DGKG: variants seen among roughly 807,000 people sequenced by gnomAD.
The protein encoded by DGKG is diacylglycerol kinase gamma.
In DGKG, 78 loss-of-function variants were observed where a neutral mutation model predicts 105.3. That is an observed-to-expected ratio of 0.74 (90% confidence interval 0.62 to 0.89). DGKG has a LOEUF of 0.89. Among genes scored for constraint, DGKG ranks in the 40% least tolerant of loss-of-function variants. The probability of loss-of-function intolerance (pLI) is 0.00; values close to 1 mark genes in which losing one functional copy is unlikely to be tolerated. For synonymous variants in DGKG, 346 were observed against 367.1 expected (o/e 0.94, Z 0.66); for missense variants, 958 against 1,020.1 (o/e 0.94, Z 0.83).
chr3:186,301,396 G>A (rs1400588869), intron 3 of DGKG, among the ~76,000 whole-genome samples: 1 of 152,230 alleles, frequency 6.6e-6, no homozygotes, highest in African/African-American at 2.4e-5. Flanking sequence ...GGGAGGCCGA[G>A]GCAGGCAGAT....
chr3:186,240,447 GATGA>G (rs951169769), intron 20 of DGKG, among the ~76,000 whole-genome samples: 115 of 152,304 alleles, frequency 7.6e-4, no homozygotes, highest in African/African-American at 2.6e-3. Flanking sequence ...TGAATGAATG[GATGA>G]ATGAATGAAC....
In DGKG at chr3:186,210,209, G is replaced by A. The variant is rs372668223; in HGVS notation, c.1917+1586C>T. 6.6e-6 allele frequency among the ~76,000 whole-genome samples: 1 copy of A among 152,200 alleles called. No individual in the cohort carries two copies. Among genetic ancestry groups the A allele is most frequent in the Non-Finnish European group, 1.5e-5 (1 of 68,030 alleles). ...CAGGGAGAACAAGCAGTCGCTGTGC[G>A]CCTGCAGCTGGCTGTGGTTAGGCCA... On this transcript the variant is annotated intron_variant, in intron 21 of 24. Coordinates refer to ENST00000265022, the MANE Select transcript of DGKG (RefSeq NM_001346.3). This position sits in a 1 kb window ranked among gnomAD's most constrained non-coding sequence, Gnocchi z 5.2.
At chr3:186,352,620 C>A (rs1195257123) in intron 1 of DGKG, among the ~76,000 whole-genome samples, 2 of 152,236 alleles carry the variant, frequency 1.3e-5, no homozygotes, top group African/African-American at 4.8e-5. Context: ...AAACCACTAT[C>A]TTCCCAGGTG....
intron 1 of DGKG, among the ~76,000 whole-genome samples, chr3:186,332,742 C>T (rs183012846): frequency 6.8e-4 from 103 of 152,186 alleles, no homozygotes; most frequent in South Asian, 3.1e-3. Flanking sequence ...AATGTTTGTC[C>T]TCTCCAAAAT....
At chr3:186,252,971 G>C in intron 18 of DGKG, 122 bp downstream of exon 18, 1 of 789,398 alleles carries the variant, frequency 1.3e-6, no homozygotes. Context: ...CATGACTGCA[G>C]AGTTGAGTAT....
chr3:186,264,600 A>G (rs1285053566), intron 14 of DGKG, among the ~76,000 whole-genome samples: 1 of 152,128 alleles, frequency 6.6e-6, no homozygotes, highest in African/African-American at 2.4e-5. Flanking sequence ...GTATATTCTC[A>G]TTTAATCTTA....
At chr3:186,170,527 C>T (rs1018957375) in intron 22 of DGKG, among the ~76,000 whole-genome samples, 1 of 152,076 alleles carries the variant, frequency 6.6e-6, no homozygotes, top group African/African-American at 2.4e-5. Context: ...AGAAAACTGC[C>T]CAAAATATAT....
At chr3:186,227,272 C>T (rs758088407) in intron 20 of DGKG, among the ~76,000 whole-genome samples, 1 of 152,158 alleles carries the variant, frequency 6.6e-6, no homozygotes, top group Non-Finnish European at 1.5e-5. Flanking sequence ...AGCATCATAC[C>T]AATACCTGAT....
chr3:186,198,969 C>T (rs757878423), intron 21 of DGKG, among the ~76,000 whole-genome samples: 12 of 151,644 alleles, frequency 7.9e-5, no homozygotes, highest in Admixed American at 2.0e-4. Flanking sequence ...TTTTTTAAGA[C>T]GGAGTTTTGC....
At chr3:186,305,464 T>A (rs1724189159) in intron 3 of DGKG, among the ~76,000 whole-genome samples, 1 of 151,980 alleles carries the variant, frequency 6.6e-6, no homozygotes. Context: ...AGAGATGAGG[T>A]CAGAGAGCTG....
Position 186,147,845 on chromosome 3 carries a change from T to G in DGKG, c.*2245A>C, listed in dbSNP as rs557162107. 33 of 985,424 alleles carry G rather than the reference T, an allele frequency of 3.3e-5. No individual in the cohort carries two copies. In the African/African-American group the frequency reaches 5.4e-4, roughly 16 times the overall value. The allele number at this position is 985,424 out of a possible 1,614,324, so 61.0% of individuals were successfully genotyped here. On this transcript the variant is annotated 3_prime_UTR_variant, in exon 25 of 25. Coordinates refer to ENST00000265022, the MANE Select transcript of DGKG (RefSeq NM_001346.3). ...TTTCAGAAACAAGTGGCTTCCAAGA[T>G]AGTACCTGTAGTAATTCTGGAGCTT...
In DGKG at chr3:186,264,991, T is replaced by A. The variant is rs578102123; in HGVS notation, c.1269+256A>T. ...TCTGCATATTAAAGTTTTATGTAAC[T>A]TTTTCCTAAAATAGTAATAAAGCCC... On this transcript the variant is annotated intron_variant, in intron 14 of 24. Transcript: ENST00000265022. Among the ~76,000 whole-genome samples the A allele has an allele frequency of 7.9e-5, 12 of 152,332 alleles. No individual in the cohort carries two copies. The South Asian group carries it at 2.3e-3, about 29-fold the overall frequency.
At chr3:186,358,343 C>T (rs942315431) in intron 1 of DGKG, among the ~76,000 whole-genome samples, 9 of 152,210 alleles carry the variant, frequency 5.9e-5, no homozygotes, top group African/African-American at 1.7e-4. Flanking sequence ...AGGATGTTTC[C>T]GGACCTGAGC....
At chr3:186,263,323 T>C (rs1430905593) in intron 14 of DGKG, among the ~76,000 whole-genome samples, 1 of 151,834 alleles carries the variant, frequency 6.6e-6, no homozygotes, top group Non-Finnish European at 1.5e-5. Flanking sequence ...TCCTAGCACT[T>C]TGGGAGGCTG....
At chr3:186,165,568 C>T (rs1231973713) in intron 22 of DGKG, among the ~76,000 whole-genome samples, 5 of 152,210 alleles carry the variant, frequency 3.3e-5, no homozygotes, top group African/African-American at 1.2e-4. Context: ...TCTTTCAGGA[C>T]ACCAGGTGCC....
At chr3:186,239,639 G>A (rs1018311865) in intron 20 of DGKG, among the ~76,000 whole-genome samples, 4 of 152,214 alleles carry the variant, frequency 2.6e-5, no homozygotes, top group African/African-American at 9.7e-5. Context: ...CATAGGAAGC[G>A]TTCGGTGACC....
intron 1 of DGKG, among the ~76,000 whole-genome samples, chr3:186,324,206 T>C (rs1023869495): frequency 5.9e-5 from 9 of 151,506 alleles, no homozygotes; most frequent in African/African-American, 1.7e-4. Flanking sequence ...GCACACTGCA[T>C]GACAGAACAA....
chr3:186,269,522 TCTC>T (rs1299231332), intron 11 of DGKG, among the ~76,000 whole-genome samples: 1 of 152,218 alleles, frequency 6.6e-6, no homozygotes, highest in African/African-American at 2.4e-5. Context: ...GTAATGCCCT[TCTC>T]CTTCCTCAGC....
intron 3 of DGKG, among the ~76,000 whole-genome samples, chr3:186,301,523 A>AGGCTGAGGCAGGAGAAT (rs1348942153): frequency 6.6e-6 from 1 of 152,150 alleles, no homozygotes; most frequent in Non-Finnish European, 1.5e-5. Context: ...GCTACTCGGG[A>AGGCTGAGGCAGGAGAAT]GGCTGAGGCA....
Sources: allele counts gnomAD v4.1 joint callset (sites outside exome capture counted in the v4.1 genomes callset), GRCh38; gene constraint gnomAD v4.1.1; non-coding constraint Gnocchi (gnomAD v3.1); transcripts MANE v1.5; gene names NCBI Gene and HGNC (gene_info 2026-07-23, HGNC 2026-07-21).